TNXB: variants seen among roughly 807,000 people sequenced by gnomAD.
The protein encoded by TNXB is tenascin-X.
A neutral mutation model predicts 340.5 loss-of-function variants in TNXB; 183 were observed. The ratio of observed to expected loss-of-function variants is 0.54; its 90% CI spans 0.48 to 0.61. The LOEUF is 0.61. Ranked by LOEUF, TNXB falls within the 20% of genes least tolerant of loss-of-function variation. The probability of loss-of-function intolerance (pLI) is 0.00; values close to 1 mark genes in which losing one functional copy is unlikely to be tolerated. For synonymous variants in TNXB, 2,121 were observed against 2,314.5 expected, an observed-to-expected ratio of 0.92 and a Z score of 2.40; for missense variants, 4,613 against 5,446.4, an observed-to-expected ratio of 0.85 and a Z score of 4.82.
At position 32,062,279 on chromosome 6, in the gene TNXB, A is replaced by G; in HGVS notation, c.7046T>C (p.Val2349Ala). The change falls in exon 20 of 44, where the codon GTG becomes GCG. Residue 2349 changes from valine to alanine, a missense_variant. Physicochemically the swap from Val to Ala is moderately conservative, Grantham distance 64. This residue lies in a region of TNXB where 4,327 missense variants were observed against 4,859.4 expected (regional missense o/e 0.89). Transcript: ENST00000644971. The surrounding 1 kb of genome is among the most constrained non-coding windows in gnomAD (Gnocchi z 4.3). ...NGDGQPKATR[V>A]PGHEDRVTIS... Reference sequence around the variant, plus strand: ...GGTGACCCTGTCCTCATGTCCTGGCACCCGTGTTGCCTTGGGCTGCCCATC... The same window carrying G: ...GGTGACCCTGTCCTCATGTCCTGGCGCCCGTGTTGCCTTGGGCTGCCCATC... The G allele has an allele frequency of 1.2e-6, 2 of 1,613,300 alleles. No homozygotes were observed. The highest frequency in any genetic ancestry group is 2.7e-5 in the African/African-American group (2 of 75,034).
intron 1 of TNXB, among the ~76,000 whole-genome samples, chr6:32,107,871 G>A (rs1323390700): frequency 6.6e-6 from 1 of 152,130 alleles, no homozygotes; most frequent in Admixed American, 6.5e-5. Context: ...TTCTAGGAGT[G>A]AGACTAAAAA....
In TNXB at chr6:32,049,650, G is replaced by A. The variant is rs377337281; in HGVS notation, c.9440-63C>T. On this transcript the variant is annotated intron_variant, in intron 27 of 43. Transcript: ENST00000644971. This position sits in a 1 kb window ranked among gnomAD's most constrained non-coding sequence, Gnocchi z 4.5. ...GTCCTTGGGTCCTGGGGAAAAGGAG[G>A]GAGAAGCCAAGGCTATGACTGGGGG... 8 of 1,546,916 alleles carry A rather than the reference G, an allele frequency of 5.2e-6. No individual in the cohort carries two copies. In the East Asian group the frequency reaches 1.4e-4, roughly 26 times the overall value.
At chr6:32,065,162 G>A (rs1778270852) in intron 18 of TNXB, 45 bp from the exon 19 acceptor site, 2 of 1,482,066 alleles carry the variant, frequency 1.3e-6, no homozygotes, top group East Asian at 2.5e-5. Flanking sequence ...CTGCAAGGAG[G>A]TGTTGAGGCC....
rs1271280970 is a variant in TNXB, at chr6:32,095,843, G to A, written c.2010C>T (p.His670=). 1 of 1,612,644 alleles carries A rather than the reference G, an allele frequency of 6.2e-7. No individual in the cohort carries two copies. The highest frequency in any genetic ancestry group is 8.5e-7 in the Non-Finnish European group (1 of 1,179,412). The change falls in exon 3 of 44, where the codon CAC becomes CAT. Residue 670 remains histidine, a synonymous_variant. Coordinates refer to ENST00000644971, the MANE Select transcript of TNXB (RefSeq NM_001365276.2). ...CGCAGTCCTCACCGCCATAGCCCAC[G>A]TGGCACAGGCACACTCCTTGCACAC... is the stretch of plus-strand genomic sequence containing the variant. The part of the protein sequence containing the change: ...GRCVQGVCLC[H]VGYGGEDCGQ...
chr6:32,105,026 C>T (rs1054027478), intron 1 of TNXB, among the ~76,000 whole-genome samples: 1 of 152,112 alleles, frequency 6.6e-6, no homozygotes, highest in Non-Finnish European at 1.5e-5. Context: ...TCAGTGTCTC[C>T]CTTCCAAATT....
intron 1 of TNXB, among the ~76,000 whole-genome samples, chr6:32,098,928 A>C (rs530902765): frequency 6.6e-6 from 1 of 152,322 alleles, no homozygotes; most frequent in Non-Finnish European, 1.5e-5. Flanking sequence ...CAGTTAGGGC[A>C]GTCTTCCATT....
rs1467433274 is a variant in TNXB, at chr6:32,096,683, G to C, written c.1170C>G (p.Cys390Trp). The C allele has an allele frequency of 8.4e-6, 13 of 1,552,324 alleles. No individual in the cohort carries two copies. The highest frequency in any genetic ancestry group is 2.4e-5 in the East Asian group (1 of 41,202). The change falls in exon 3 of 44, where the codon TGC becomes TGG. Residue 390 changes from cysteine (C) to tryptophan (W), a missense_variant. Coordinates refer to ENST00000644971, the MANE Select transcript of TNXB (RefSeq NM_001365276.2). ...AGTCGTCCCCGCTGTAGCCCGTGTCGCAAATGCATTCGCCGTCCTCGCAGC... is the reference window on the plus strand; with the variant it reads ...AGTCGTCCCCGCTGTAGCCCGTGTCCCAAATGCATTCGCCGTCCTCGCAGC... ...RGRCEDGECICDTGYSGDDCG... is the reference protein window; with the variant it reads ...RGRCEDGECIWDTGYSGDDCG...
intron 23 of TNXB, 120 bp from the exon 24 acceptor site, chr6:32,056,294 A>T: frequency 1.5e-6 from 2 of 1,312,598 alleles, no homozygotes; most frequent in Non-Finnish European, 2.1e-6. Context: ...AGAAAAGCCC[A>T]TTCTTGGGGC....
At chr6:32,086,758 G>A (rs1779802811) in intron 6 of TNXB, among the ~76,000 whole-genome samples, 1 of 152,198 alleles carries the variant, frequency 6.6e-6, no homozygotes, top group Non-Finnish European at 1.5e-5. Flanking sequence ...TACAGTTGCT[G>A]CCTGATGGCA....
In TNXB at chr6:32,051,266, G is replaced by A. The variant is rs1282182368; in HGVS notation, c.9116-945C>T. 3.3e-5 allele frequency among the ~76,000 whole-genome samples: 5 copies of A among 152,154 alleles called. No homozygotes were observed. The highest frequency in any genetic ancestry group is 6.5e-5 in the Admixed American group (1 of 15,276). On this transcript the variant is annotated intron_variant, in intron 26 of 43. Transcript: ENST00000644971. The surrounding 1 kb of genome is among the most constrained non-coding windows in gnomAD (Gnocchi z 4.7). ...TGGGCTTCTTGTCACATGCTCACCC[G>A]CCTTTGCTTTCTTACTGGTCCACAG...
chr6:32,071,674 C>G (rs1323117510), intron 13 of TNXB, among the ~76,000 whole-genome samples: 1 of 151,922 alleles, frequency 6.6e-6, no homozygotes, highest in Non-Finnish European at 1.5e-5. Context: ...CAGCCTCCAC[C>G]TCCTGGGTTC....
intron 35 of TNXB, 60 bp downstream of exon 35, chr6:32,043,689 C>T: frequency 1.2e-6 from 2 of 1,612,616 alleles, no homozygotes; most frequent in South Asian, 1.1e-5. Flanking sequence ...TCTCTCTCAA[C>T]TCCCACCCAT....
Position 32,080,045 on chromosome 6 carries a change from G to A in TNXB, c.4043-680C>T, listed in dbSNP as rs1223756056. Among the ~76,000 whole-genome samples the A allele has an allele frequency of 6.6e-6, 1 of 152,180 alleles. No homozygotes were observed. Among genetic ancestry groups the A allele is most frequent in the African/African-American group, 2.4e-5 (1 of 41,438 alleles). ...CATGGGGGACTACTTTGGGATAGCAGATTGAGGAAAGAATTGGCAAGAATG... is the reference window on the plus strand; with the variant it reads ...CATGGGGGACTACTTTGGGATAGCAAATTGAGGAAAGAATTGGCAAGAATG... On this transcript the variant is annotated intron_variant, in intron 10 of 43. Coordinates refer to ENST00000644971, the MANE Select transcript of TNXB (RefSeq NM_001365276.2). The surrounding 1 kb of genome is among the most constrained non-coding windows in gnomAD (Gnocchi z 4.3).
Position 32,062,236 on chromosome 6 carries a change from T to C in TNXB, c.7089A>G (p.Pro2363=), listed in dbSNP as rs1378959953. The C allele has an allele frequency of 6.2e-7, 1 of 1,613,290 alleles. No individual in the cohort carries two copies. Among genetic ancestry groups the C allele is most frequent in the Non-Finnish European group, 8.5e-7 (1 of 1,179,886 alleles). ...ACAGGTTCATCTTGTACTTGTTGTC[T>C]GGCTCCAGGCCGGAGATGGTGACCC... is the stretch of plus-strand genomic sequence containing the variant. ...EDRVTISGLE[P]DNKYKMNLYG... Residue 2363 remains proline (P), a synonymous_variant, in exon 20 of 44, where the codon CCA becomes CCG. Transcript: ENST00000644971. This position sits in a 1 kb window ranked among gnomAD's most constrained non-coding sequence, Gnocchi z 4.3.
chr6:32,056,801 G>C lies in TNXB; in HGVS notation c.7928C>G (p.Ser2643Cys). 1 of 1,613,264 alleles carries C rather than the reference G, an allele frequency of 6.2e-7. No homozygotes were observed. Among genetic ancestry groups the C allele is most frequent in the Non-Finnish European group, 8.5e-7 (1 of 1,179,848 alleles). Reference protein sequence around the residue: ...ELTMTDATPDSLSLSWTVPEG... With the variant: ...ELTMTDATPDCLSLSWTVPEG... ...GGGAACCGTCCAGGACAGGCTGAGG[G>C]AGTCAGGGGTGGCATCTGTCATGGT... Residue 2643 changes from serine (S) to cysteine (C), a missense_variant, in exon 23 of 44, where the codon TCC becomes TGC. Coordinates refer to ENST00000644971, the MANE Select transcript of TNXB (RefSeq NM_001365276.2).
At position 32,095,659 on chromosome 6, in the gene TNXB, C is replaced by A; in HGVS notation, c.2194G>T (p.Gly732Cys). The change falls in exon 3 of 44, where the codon GGC becomes TGC. Residue 732 changes from glycine (G) to cysteine (C), a missense_variant. Physicochemically the swap from Gly to Cys is radical, Grantham distance 159 (BLOSUM62 -3). Transcript: ENST00000644971. The stretch of plus-strand genomic sequence containing the variant: ...TACCCATCTTTGCAGACACAGCTGC[C>A]ATCGTGACACTCTCCTCGGCCACGG... ...DCRGRGECHDGSCVCKDGYAG... is the reference protein window; with the variant it reads ...DCRGRGECHDCSCVCKDGYAG... The A allele has an allele frequency of 6.2e-7, 1 of 1,614,022 alleles. No homozygotes were observed. Among genetic ancestry groups the A allele is most frequent in the Non-Finnish European group, 8.5e-7 (1 of 1,179,876 alleles).
chr6:32,043,820 C>T lies in TNXB; in HGVS notation c.11459G>A (p.Arg3820His), dbSNP rs765400545. ...GACCGAGACCACGGTCACCTCATAG[C>T]GAGCGCCTGGGATCAGCCCCTGGAG... ...QKLQGLIPGA[R>H]YEVTVVSVRG... The change falls in exon 35 of 44, where the codon CGC becomes CAC. Residue 3820 changes from arginine to histidine, a missense_variant. Arg to His is a conservative substitution (Grantham distance 29). This residue lies in a region of TNXB where 114 missense variants were observed against 104.5 expected (regional missense o/e 1.09). Transcript: ENST00000644971. The T allele has an allele frequency of 1.5e-5, 24 of 1,613,492 alleles. No individual in the cohort carries two copies. The highest frequency in any genetic ancestry group is 2.2e-5 in the East Asian group (1 of 44,884).
At chr6:32,100,340 G>A (rs1246509526) in intron 1 of TNXB, among the ~76,000 whole-genome samples, 2 of 151,988 alleles carry the variant, frequency 1.3e-5, no homozygotes, top group African/African-American at 2.4e-5. Context: ...CCTGAACTCA[G>A]GCAATCCGCC....
intron 3 of TNXB, 158 bp downstream of exon 3, chr6:32,095,453 G>A (rs1642989406): frequency 1.1e-6 from 1 of 937,724 alleles, no homozygotes; most frequent in Admixed American, 2.7e-5. Context: ...CCTGCCCACT[G>A]GAAAGCCCCA....
Sources: gnomAD v4.1 joint callset for allele counts (sites outside exome capture counted in the v4.1 genomes callset) on GRCh38, gnomAD v4.1.1 for gene constraint, gnomAD v4.1.1 regional missense constraint, Gnocchi (gnomAD v3.1) non-coding constraint, MANE v1.5 for transcripts, NCBI Gene and HGNC (gene_info 2026-07-23, HGNC 2026-07-21) for gene names.